The following CERS6 variants were observed in gnomAD, a reference collection of about 807,000 sequenced individuals.
CERS6 encodes the protein ceramide synthase 6.
CERS6 carries 26 observed loss-of-function variants against 56.8 expected under a neutral mutation model. That is an observed-to-expected ratio of 0.46 (90% confidence interval 0.34 to 0.63). The LOEUF (loss-of-function observed/expected upper bound fraction) is 0.63. Ranked by LOEUF, CERS6 falls within the 30% of genes least tolerant of loss-of-function variation. The probability of loss-of-function intolerance (pLI) is 0.01; values close to 1 mark genes in which losing one functional copy is unlikely to be tolerated. For missense variants in CERS6, 415 were observed against 467.5 expected, an observed-to-expected ratio of 0.89 and a Z score of 1.04; for synonymous variants, 164 against 173.3, an observed-to-expected ratio of 0.95 and a Z score of 0.42.
At chr2:168,663,743 C>T (rs1287455329) in intron 4 of CERS6, among the ~76,000 whole-genome samples, 1 of 151,408 alleles carries the variant, frequency 6.6e-6, no homozygotes, top group East Asian at 1.9e-4. Flanking sequence ...CGTAGGTATT[C>T]TTGTAGTGTT....
intron 1 of CERS6, among the ~76,000 whole-genome samples, chr2:168,475,319 G>A (rs188920299): frequency 2.2e-4 from 34 of 152,084 alleles, no homozygotes; most frequent in African/African-American, 8.0e-4. Flanking sequence ...AAAGTAAATC[G>A]CAGCTATTAT....
intron 1 of CERS6, among the ~76,000 whole-genome samples, chr2:168,503,893 C>T (rs965372159): frequency 1.3e-5 from 2 of 152,138 alleles, no homozygotes; most frequent in Non-Finnish European, 2.9e-5. Flanking sequence ...TCTGCAGTAT[C>T]CTGCAAGTCC....
chr2:168,728,503 A>C (rs34690959), intron 8 of CERS6, among the ~76,000 whole-genome samples: 56,026 of 147,008 alleles, frequency 0.38, 12,795 homozygotes, highest in Non-Finnish European at 0.51. Flanking sequence ...GATTCTCCTG[A>C]CTCAGCCTCT....
At chr2:168,499,823 G>A (rs55808190) in intron 1 of CERS6, among the ~76,000 whole-genome samples, 4,397 of 152,224 alleles carry the variant, frequency 0.029, 88 homozygotes, top group Non-Finnish European at 0.046. Flanking sequence ...CCCGTAACCG[G>A]GAACTGCTAT....
In CERS6 at chr2:168,554,154, C is replaced by G. The variant is rs552528157; in HGVS notation, c.276+6453C>G. Among the ~76,000 whole-genome samples the G allele has an allele frequency of 3.3e-5, 5 of 150,736 alleles. No individual in the cohort carries two copies. The South Asian group carries it at 1.0e-3, about 32-fold the overall frequency. On this transcript the variant is annotated intron_variant, in intron 2 of 9. Transcript: ENST00000305747. ...ATAACCACTAGAACAAAAATTACTCCCAAAAGGAAAAAAAAAATGTAGTGA... is the reference window on the plus strand; with the variant it reads ...ATAACCACTAGAACAAAAATTACTCGCAAAAGGAAAAAAAAAATGTAGTGA...
intron 1 of CERS6, among the ~76,000 whole-genome samples, chr2:168,525,065 A>G (rs1187197109): frequency 6.6e-6 from 1 of 152,044 alleles, no homozygotes; most frequent in Non-Finnish European, 1.5e-5. Flanking sequence ...AGCTATGGAG[A>G]GACATTTAGG....
intron 4 of CERS6, among the ~76,000 whole-genome samples, chr2:168,668,731 G>A (rs924686001): frequency 5.9e-5 from 9 of 152,182 alleles, no homozygotes; most frequent in Admixed American, 4.6e-4. Context: ...TGGGATTACA[G>A]CTGTGAGCCA....
At chr2:168,529,242 G>A (rs886872305) in intron 1 of CERS6, among the ~76,000 whole-genome samples, 2 of 152,188 alleles carry the variant, frequency 1.3e-5, no homozygotes, top group African/African-American at 2.4e-5. Context: ...AGTCATCCTC[G>A]ATTGTGAAAC....
chr2:168,711,686 A>G (rs1574181816), intron 6 of CERS6, among the ~76,000 whole-genome samples: 1 of 147,072 alleles, frequency 6.8e-6, no homozygotes, highest in East Asian at 2.0e-4. Context: ...GTGAGCTGAG[A>G]TCCCACCATT....
chr2:168,677,854 C>A (rs534072265), intron 4 of CERS6, among the ~76,000 whole-genome samples: 81 of 152,164 alleles, frequency 5.3e-4, no homozygotes, highest in African/African-American at 1.9e-3. Flanking sequence ...AAGAAAAAAA[C>A]CAAACAACCC....
At chr2:168,592,822 A>G (rs1005815147) in intron 3 of CERS6, among the ~76,000 whole-genome samples, 2 of 152,200 alleles carry the variant, frequency 1.3e-5, no homozygotes, top group Non-Finnish European at 2.9e-5. Context: ...GTTATTATGT[A>G]TATTAGTTCC....
intron 4 of CERS6, 45 bp from the exon 5 acceptor site, chr2:168,690,989 T>C (rs1428654495): frequency 1.3e-6 from 2 of 1,549,086 alleles, no homozygotes; most frequent in Admixed American, 1.7e-5. Context: ...TATCCTCTTA[T>C]CCATGTTCTA....
chr2:168,689,080 A>G (rs1686430837), intron 4 of CERS6, among the ~76,000 whole-genome samples: 1 of 152,140 alleles, frequency 6.6e-6, no homozygotes, highest in Non-Finnish European at 1.5e-5. Context: ...AAGCACACAC[A>G]TGCCCAATGG....
Position 168,539,111 on chromosome 2 carries a change from G to A in CERS6, c.171-8485G>A, listed in dbSNP as rs1165831812. Reference sequence around the variant, plus strand: ...CTCCCAAGTAGCTGGGACTACAGGCGCCCGCCACTACGCCCGGCTAATTTT... The same window carrying A: ...CTCCCAAGTAGCTGGGACTACAGGCACCCGCCACTACGCCCGGCTAATTTT... On this transcript the variant is annotated intron_variant, in intron 1 of 9. Transcript: ENST00000305747. 3.1e-4 allele frequency among the ~76,000 whole-genome samples: 3 copies of A among 9,722 alleles called. 1 individual carries two copies. Among genetic ancestry groups the A allele is most frequent in the African/African-American group, 3.3e-4 (3 of 8,988 alleles). The allele number at this position is 9,722 out of a possible 152,430, so 6.4% of individuals were successfully genotyped here.
At chr2:168,735,868 G>A (rs1225885189) in intron 8 of CERS6, among the ~76,000 whole-genome samples, 1 of 118,568 alleles carries the variant, frequency 8.4e-6, no homozygotes, top group Non-Finnish European at 1.7e-5. Flanking sequence ...GAGACAGAAG[G>A]AGACCCTGTC....
chr2:168,565,201 G>A (rs991738695), intron 3 of CERS6, among the ~76,000 whole-genome samples: 2 of 152,200 alleles, frequency 1.3e-5, no homozygotes, highest in African/African-American at 2.4e-5. Context: ...GTATGCAAAT[G>A]TGTGTGTCAT....
At chr2:168,729,973 A>T (rs1288538052) in intron 8 of CERS6, among the ~76,000 whole-genome samples, 1 of 152,204 alleles carries the variant, frequency 6.6e-6, no homozygotes, top group Non-Finnish European at 1.5e-5. Flanking sequence ...AACAGCTAGC[A>T]CTAAAAAACC....
intron 3 of CERS6, among the ~76,000 whole-genome samples, chr2:168,565,303 G>A (rs571592044): frequency 3.7e-4 from 56 of 152,254 alleles, no homozygotes; most frequent in African/African-American, 1.1e-3. Context: ...CAAAATACAC[G>A]TGCCCGAGCC....
At chr2:168,723,824 C>T (rs376784310) in intron 8 of CERS6, among the ~76,000 whole-genome samples, 1 of 152,176 alleles carries the variant, frequency 6.6e-6, no homozygotes, top group South Asian at 2.1e-4. Flanking sequence ...GATAATGTGT[C>T]TGTATTTCCT....
Sources: allele counts gnomAD v4.1 joint callset (sites outside exome capture counted in the v4.1 genomes callset), GRCh38; gene constraint gnomAD v4.1.1; transcripts MANE v1.5; gene names NCBI Gene and HGNC (gene_info 2026-07-23, HGNC 2026-07-21).